ITGA8: variants seen among roughly 807,000 people sequenced by gnomAD.
ITGA8 encodes integrin alpha-8.
A neutral mutation model predicts 142.3 loss-of-function variants in ITGA8; 91 were observed. The observed-to-expected ratio is 0.64, with a 90% CI of 0.54 to 0.76. The LOEUF is 0.76. ITGA8 is among the 30% of genes least tolerant of loss of function. ITGA8 has a pLI of 0.00. For missense variants in ITGA8, 1,406 were observed against 1,327.7 expected, an observed-to-expected ratio of 1.06 and a Z score of -0.92; for synonymous variants, 505 against 485.2, an observed-to-expected ratio of 1.04 and a Z score of -0.54.
Position 15,605,741 on chromosome 10 carries a change from C to A in ITGA8, c.1953G>T (p.Leu651Phe), listed in dbSNP as rs772861945. 1 of 1,613,400 alleles carries A rather than the reference C, an allele frequency of 6.2e-7. No individual in the cohort carries two copies. Among genetic ancestry groups the A allele is most frequent in the Non-Finnish European group, 8.5e-7 (1 of 1,179,392 alleles). The change falls in exon 19 of 30, where the codon TTG becomes TTT. Residue 651 changes from leucine (L) to phenylalanine (F), a missense_variant. Coordinates refer to ENST00000378076, the MANE Select transcript of ITGA8 (RefSeq NM_003638.3). ...CGEDNLCVPD[L>F]KLSARPDKHQ... ...AAACTTACGGTCTAGCCGACAGCTTCAAGTCAGGAACACACAGATTGTCTT... is the reference window on the plus strand; with the variant it reads ...AAACTTACGGTCTAGCCGACAGCTTAAAGTCAGGAACACACAGATTGTCTT...
At chr10:15,521,338 A>T (rs1210830104) in intron 28 of ITGA8, among the ~76,000 whole-genome samples, 1 of 152,006 alleles carries the variant, frequency 6.6e-6, no homozygotes, top group Admixed American at 6.6e-5. Flanking sequence ...CTGTCTTCTT[A>T]ACTAGAGTTG....
chr10:15,687,870 G>A (rs575250035), intron 3 of ITGA8, 68 bp downstream of exon 3: 1 of 927,684 alleles, frequency 1.1e-6, no homozygotes, highest in South Asian at 1.4e-5. Flanking sequence ...TCCTAAACAT[G>A]AGCTTGAAAA....
chr10:15,533,284 ACTC>A (rs1475863010), intron 27 of ITGA8, among the ~76,000 whole-genome samples: 1 of 152,056 alleles, frequency 6.6e-6, no homozygotes, highest in Non-Finnish European at 1.5e-5. Context: ...GTTTCTTTCT[ACTC>A]CTACCCTCCA....
At chr10:15,685,273 C>A (rs764208795) in intron 3 of ITGA8, among the ~76,000 whole-genome samples, 4 of 152,208 alleles carry the variant, frequency 2.6e-5, no homozygotes, top group Non-Finnish European at 4.4e-5. Flanking sequence ...CAAATTATTT[C>A]ATAAATGCCC....
chr10:15,630,710 G>C (rs1341245071), intron 13 of ITGA8, among the ~76,000 whole-genome samples: 1 of 151,910 alleles, frequency 6.6e-6, no homozygotes, highest in East Asian at 1.9e-4. Context: ...TTACATATTA[G>C]TAAATTCAAA....
rs763733478 is a variant in ITGA8, at chr10:15,684,009, C to G, written c.563G>C (p.Arg188Pro). The change falls in exon 4 of 30, where the codon CGG (arginine) becomes CCG (proline). Residue 188 changes from arginine to proline, a missense_variant. By Grantham distance (103) the Arg-to-Pro change is moderately radical (BLOSUM62 -2). Transcript: ENST00000378076. ...FSAYAEFSPC[R>P]NSNADPEGQG... ...AAGGAATAAAAGTTGCTTACTGTTC[C>G]GGCAAGGAGAGAACTCGGCATAGGC... 4 of 1,613,818 alleles carry G rather than the reference C, an allele frequency of 2.5e-6. No individual in the cohort carries two copies. Among genetic ancestry groups the G allele is most frequent in the Non-Finnish European group, 3.4e-6 (4 of 1,179,986 alleles).
chr10:15,620,431 A>G (rs1438187767), intron 13 of ITGA8, among the ~76,000 whole-genome samples: 1 of 152,196 alleles, frequency 6.6e-6, no homozygotes, highest in Non-Finnish European at 1.5e-5. Flanking sequence ...GTAATGAGAC[A>G]TGGGCTTTTC....
chr10:15,713,805 G>C (rs1385226253), intron 2 of ITGA8, among the ~76,000 whole-genome samples: 1 of 152,070 alleles, frequency 6.6e-6, no homozygotes, highest in Non-Finnish European at 1.5e-5. Flanking sequence ...TTGTCATCCA[G>C]AACTTTGAAA....
chr10:15,665,866 A>G (rs1834381436), intron 8 of ITGA8, among the ~76,000 whole-genome samples: 1 of 152,112 alleles, frequency 6.6e-6, no homozygotes, highest in Non-Finnish European at 1.5e-5. Flanking sequence ...GTTCTGTTCC[A>G]TTGATCTATA....
At chr10:15,568,235 T>C (rs1834112467) in intron 25 of ITGA8, among the ~76,000 whole-genome samples, 1 of 152,174 alleles carries the variant, frequency 6.6e-6, no homozygotes, top group Non-Finnish European at 1.5e-5. Flanking sequence ...AGACAAATAT[T>C]CAGAATAAGA....
intron 13 of ITGA8, among the ~76,000 whole-genome samples, chr10:15,627,940 C>T (rs1249897002): frequency 1.3e-5 from 2 of 150,578 alleles, no homozygotes; most frequent in African/African-American, 4.9e-5. Flanking sequence ...TCGGTCAAAA[C>T]CACCAAAACC....
intron 28 of ITGA8, among the ~76,000 whole-genome samples, chr10:15,525,645 CAAAAAA>C (rs374326483): frequency 3.1e-5 from 2 of 63,796 alleles, no homozygotes; most frequent in Non-Finnish European, 5.2e-5. Context: ...AACTCCATCT[CAAAAAA>C]AAAAAAAAAA....
At chr10:15,532,523 T>C (rs1833330584) in intron 27 of ITGA8, among the ~76,000 whole-genome samples, 1 of 145,164 alleles carries the variant, frequency 6.9e-6, no homozygotes, top group South Asian at 2.2e-4. Flanking sequence ...AGCCAAACAG[T>C]GTTTTTAACA....
chr10:15,554,225 C>T (rs1033783820), intron 26 of ITGA8, among the ~76,000 whole-genome samples: 1 of 152,064 alleles, frequency 6.6e-6, no homozygotes, highest in Non-Finnish European at 1.5e-5. Flanking sequence ...CCCTGCTTGC[C>T]ACCCATTTGT....
intron 13 of ITGA8, among the ~76,000 whole-genome samples, chr10:15,638,074 C>T (rs1376690): frequency 0.41 from 62,795 of 151,906 alleles, 13,389 homozygotes; most frequent in Middle Eastern, 0.64. Context: ...ACATTACCAA[C>T]ATAACAGACT....
intron 28 of ITGA8, among the ~76,000 whole-genome samples, chr10:15,522,979 T>C (rs1369331102): frequency 6.6e-6 from 1 of 151,674 alleles, no homozygotes; most frequent in East Asian, 1.9e-4. Context: ...ATGGTGCCAC[T>C]GCACTCCGTC....
At chr10:15,715,048 G>A (rs911745601) in intron 2 of ITGA8, among the ~76,000 whole-genome samples, 3 of 152,046 alleles carry the variant, frequency 2.0e-5, no homozygotes, top group South Asian at 2.1e-4. Flanking sequence ...TCCATTATGC[G>A]GATGTCAATT....
At chr10:15,614,411 G>C (rs992136441) in intron 14 of ITGA8, among the ~76,000 whole-genome samples, 2 of 152,122 alleles carry the variant, frequency 1.3e-5, no homozygotes, top group African/African-American at 4.8e-5. Context: ...CCCAGGCCCT[G>C]CCACACCAAC....
At chr10:15,618,152 A>G (rs559206348) in intron 13 of ITGA8, among the ~76,000 whole-genome samples, 72 of 152,314 alleles carry the variant, frequency 4.7e-4, no homozygotes, top group Non-Finnish European at 8.5e-4. Flanking sequence ...AGTGATGAGT[A>G]TGCTAGAAGC....
Sources: gnomAD v4.1 joint callset for allele counts (sites outside exome capture counted in the v4.1 genomes callset) on GRCh38, gnomAD v4.1.1 for gene constraint, MANE v1.5 for transcripts, NCBI Gene and HGNC (gene_info 2026-07-23, HGNC 2026-07-21) for gene names.